TNFSF13B: variants seen among roughly 807,000 people sequenced by gnomAD.
TNFSF13B encodes the protein TNF superfamily member 13b, also known as tumor necrosis factor ligand superfamily member 13B.
Under a neutral mutation model 29.1 loss-of-function variants are expected in TNFSF13B, and 8 were observed. The observed-to-expected ratio is 0.27, with a 90% CI of 0.16 to 0.50. The LOEUF (loss-of-function observed/expected upper bound fraction) is 0.50. Among genes scored for constraint, TNFSF13B ranks in the 20% least tolerant of loss-of-function variants. The pLI is 0.98. For missense variants in TNFSF13B, 248 were observed against 334.9 expected (o/e 0.74, Z 2.03); for synonymous variants, 125 against 130.8 (o/e 0.96, Z 0.30).
intron 3 of TNFSF13B, among the ~76,000 whole-genome samples, chr13:108,297,640 T>A (rs1881490686): frequency 6.8e-6 from 1 of 146,122 alleles, no homozygotes; most frequent in Non-Finnish European, 1.5e-5. Context: ...TTCTTTTTTC[T>A]TTTTTATTTT....
At chr13:108,274,545 A>G (rs1407096036) in intron 2 of TNFSF13B, among the ~76,000 whole-genome samples, 1 of 152,090 alleles carries the variant, frequency 6.6e-6, no homozygotes, top group Non-Finnish European at 1.5e-5. Flanking sequence ...TAGGAAATTC[A>G]TTTGAATGTT....
At chr13:108,293,809 G>A (rs1261069929) in intron 3 of TNFSF13B, among the ~76,000 whole-genome samples, 1 of 152,210 alleles carries the variant, frequency 6.6e-6, no homozygotes, top group African/African-American at 2.4e-5. Flanking sequence ...GATTTGGTTT[G>A]TGAATGGTGG....
At chr13:108,289,525 T>G (rs1881243095) in intron 3 of TNFSF13B, among the ~76,000 whole-genome samples, 1 of 148,856 alleles carries the variant, frequency 6.7e-6, no homozygotes, top group South Asian at 2.1e-4. Context: ...AAGATAATAA[T>G]ATATTATTAA....
chr13:108,276,417 C>A (rs1480223327), intron 2 of TNFSF13B, among the ~76,000 whole-genome samples: 1 of 152,202 alleles, frequency 6.6e-6, no homozygotes, highest in Non-Finnish European at 1.5e-5. Flanking sequence ...CCAACCAAAT[C>A]TTTGACCTGT....
intron 1 of TNFSF13B, 32 bp from the exon 2 acceptor site, chr13:108,270,308 T>C: frequency 6.2e-7 from 1 of 1,614,066 alleles, no homozygotes; most frequent in Non-Finnish European, 8.5e-7. Flanking sequence ...CTCAGCTGTC[T>C]TTCTAATAAC....
intron 2 of TNFSF13B, among the ~76,000 whole-genome samples, chr13:108,271,541 T>C (rs1207867398): frequency 1.3e-5 from 2 of 151,846 alleles, no homozygotes; most frequent in East Asian, 3.9e-4. Flanking sequence ...GCTTTATTCA[T>C]AAAAAATTGT....
At chr13:108,297,156 TTTTC>T (rs1252492495) in intron 3 of TNFSF13B, among the ~76,000 whole-genome samples, 1 of 145,562 alleles carries the variant, frequency 6.9e-6, no homozygotes, top group East Asian at 1.9e-4. Context: ...CTCTCTCAGT[TTTTC>T]TTTATTTGAG....
In TNFSF13B at chr13:108,270,195, C is replaced by T. The variant is rs113245904; in HGVS notation, c.300C>T (p.Ala100=). The T allele has an allele frequency of 3.1e-6, 5 of 1,601,954 alleles. No individual in the cohort carries two copies. The highest frequency in any genetic ancestry group is 2.7e-5 in the African/African-American group (2 of 74,842). The part of the protein sequence containing the change: ...KLPAGAGAPK[A]GLEEAPAVTA... ...CAGCAGGAGCAGGAGCCCCCAAGGCCGGCCTGGAGGAAGCTCCAGCTGTCA... is the reference window on the plus strand; with the variant it reads ...CAGCAGGAGCAGGAGCCCCCAAGGCTGGCCTGGAGGAAGCTCCAGCTGTCA... The change falls in exon 1 of 6, where the codon GCC becomes GCT. Residue 100 remains alanine, a synonymous_variant. Coordinates refer to ENST00000375887, the MANE Select transcript of TNFSF13B (RefSeq NM_006573.5).
chr13:108,281,153 A>G (rs775510697), intron 2 of TNFSF13B, among the ~76,000 whole-genome samples: 28 of 152,306 alleles, frequency 1.8e-4, no homozygotes, highest in Admixed American at 1.2e-3. Flanking sequence ...GGCTGGGAGA[A>G]TCATGTGAAC....
intron 3 of TNFSF13B, 119 bp from the exon 4 acceptor site, chr13:108,303,134 T>A (rs1011528633): frequency 1.2e-5 from 9 of 756,694 alleles, no homozygotes; most frequent in African/African-American, 1.8e-5. Flanking sequence ...TCTTTCTTTC[T>A]TTCTTTTTTT....
intron 3 of TNFSF13B, among the ~76,000 whole-genome samples, chr13:108,287,635 T>C (rs1003913129): frequency 6.6e-6 from 1 of 152,154 alleles, no homozygotes; most frequent in African/African-American, 2.4e-5. Flanking sequence ...TTCACAAATA[T>C]GAATTCTCCT....
chr13:108,303,199 G>T, intron 3 of TNFSF13B, 54 bp from the exon 4 acceptor site: 8 of 1,227,628 alleles, frequency 6.5e-6, no homozygotes, highest in Non-Finnish European at 8.1e-6. Flanking sequence ...CTAAATGGAG[G>T]TGAAAACTGC....
intron 3 of TNFSF13B, among the ~76,000 whole-genome samples, chr13:108,294,525 G>A (rs765808177): frequency 2.6e-5 from 4 of 152,076 alleles, no homozygotes; most frequent in East Asian, 3.9e-4. Flanking sequence ...AATAGAGATC[G>A]TTTTACTACT....
rs1489185454 is a variant in TNFSF13B at position 108,307,585 on chromosome 13, T to G, written c.*647T>G. On this transcript the variant is annotated 3_prime_UTR_variant, in exon 6 of 6. Coordinates refer to ENST00000375887, the MANE Select transcript of TNFSF13B (RefSeq NM_006573.5). The stretch of plus-strand genomic sequence containing the variant: ...TACAATTTCTATCTGTAATGTAATA[T>G]ATTACCCACACATTTTTTTCACAGG... The G allele has an allele frequency of 1.3e-5, 2 of 151,570 alleles. No individual in the cohort carries two copies. Among genetic ancestry groups the G allele is most frequent in the African/African-American group, 4.9e-5 (2 of 41,100 alleles). The allele number at this position is 151,570 out of a possible 1,614,324, so 9.4% of individuals were successfully genotyped here. A position where few individuals can be genotyped will look rare whatever the true frequency, so the allele number is the denominator to read the frequency against.
intron 3 of TNFSF13B, among the ~76,000 whole-genome samples, chr13:108,296,511 GT>G (rs1857874027): frequency 6.9e-6 from 1 of 145,264 alleles, no homozygotes; most frequent in Non-Finnish European, 1.5e-5. Flanking sequence ...TGAGTCTCTG[GT>G]AGGCAGAATA....
chr13:108,294,592 A>G (rs1172416618), intron 3 of TNFSF13B, among the ~76,000 whole-genome samples: 1 of 152,152 alleles, frequency 6.6e-6, no homozygotes, highest in Non-Finnish European at 1.5e-5. Flanking sequence ...AGCAGTGGTA[A>G]ATGCAGGCAT....
intron 2 of TNFSF13B, among the ~76,000 whole-genome samples, chr13:108,285,242 C>A (rs1485285923): frequency 2.0e-5 from 3 of 152,062 alleles, no homozygotes; most frequent in Non-Finnish European, 4.4e-5. Flanking sequence ...TCTTATGTGA[C>A]CACACCCTTT....
chr13:108,303,265 T>C lies in TNFSF13B; in HGVS notation c.494T>C (p.Phe165Ser). The change falls in exon 4 of 6, where the codon TTT (phenylalanine) becomes TCT (serine). Residue 165 changes from phenylalanine to serine, a missense_variant. Transcript: ENST00000375887. The stretch of plus-strand genomic sequence containing the variant: ...CTCTTCATTGCAGGATCTTACACAT[T>C]TGTTCCATGGCTTCTCAGCTTTAAA... ...TPTIQKGSYTFVPWLLSFKRG... is the reference protein window; with the variant it reads ...TPTIQKGSYTSVPWLLSFKRG... 1.2e-6 allele frequency: 2 copies of C among 1,611,780 alleles called. No homozygotes were observed. The highest frequency in any genetic ancestry group is 1.7e-6 in the Non-Finnish European group (2 of 1,178,760).
chr13:108,279,891 CT>C (rs964118318), intron 2 of TNFSF13B, among the ~76,000 whole-genome samples: 6 of 152,130 alleles, frequency 3.9e-5, no homozygotes, highest in African/African-American at 1.4e-4. Flanking sequence ...TATTGCTCCT[CT>C]TTTTTTCTGA....
Sources: gnomAD v4.1 joint callset for allele counts (sites outside exome capture counted in the v4.1 genomes callset) on GRCh38, gnomAD v4.1.1 for gene constraint, MANE v1.5 for transcripts, NCBI Gene and HGNC (gene_info 2026-07-23, HGNC 2026-07-21) for gene names.